Variants in MEI4 observed in about 807,000 individuals in gnomAD.
The protein encoded by MEI4 is meiosis-specific protein MEI4.
A neutral mutation model predicts 31.4 loss-of-function variants in MEI4; 27 were observed. The observed-to-expected ratio is 0.86, with a 90% confidence interval of 0.63 to 1.19. MEI4 has a LOEUF of 1.19. Ranked by LOEUF, MEI4 falls within the 50% of genes most tolerant of loss-of-function variation. The pLI, the probability that MEI4 is intolerant of heterozygous loss-of-function variation, is 0.00. For missense variants in MEI4, 329 were observed against 398.9 expected, an observed-to-expected ratio of 0.82 and a Z score of 1.49; for synonymous variants, 122 against 145.4, an observed-to-expected ratio of 0.84 and a Z score of 1.16.
chr6:77,737,369 AAG>A (rs1388306859), intron 2 of MEI4, among the ~76,000 whole-genome samples: 1 of 152,198 alleles, frequency 6.6e-6, no homozygotes, highest in African/African-American at 2.4e-5. Context: ...ATGGAAATAA[AAG>A]AGGTGCTGGT....
chr6:77,864,979 C>T (rs968128335), intron 4 of MEI4, among the ~76,000 whole-genome samples: 16 of 152,186 alleles, frequency 1.1e-4, no homozygotes, highest in African/African-American at 3.6e-4. Context: ...TCCTGAATGA[C>T]TACTGGGTAC....
Position 77,870,772 on chromosome 6 carries a change from A to G in MEI4, c.900+41710A>G, listed in dbSNP as rs769223530. Among the ~76,000 whole-genome samples, 84 of 152,312 alleles carry G rather than the reference A, an allele frequency of 5.5e-4. 1 individual carries two copies. Among genetic ancestry groups the G allele is most frequent in the Non-Finnish European group, 6.8e-4 (46 of 68,030 alleles). On this transcript the variant is annotated intron_variant, in intron 4 of 4. Transcript: ENST00000684080. Reference sequence around the variant, plus strand: ...TAAAAGTTATTTTTTACAGCGAAGAAATGAAGTTTCCAAAAGAAGCTTGTG... The same window carrying G: ...TAAAAGTTATTTTTTACAGCGAAGAGATGAAGTTTCCAAAAGAAGCTTGTG...
rs142466299 is a variant in MEI4, at chr6:77,923,532, C to T, written c.*186C>T. 8.8e-3 allele frequency: 4,169 copies of T among 474,632 alleles called. 112 individuals carry two copies. Among genetic ancestry groups the T allele is most frequent in the Admixed American group, 0.043 (936 of 21,782 alleles). 29.4% of individuals were successfully genotyped at this position (474,632 alleles called of 1,614,324 possible). A position where few individuals can be genotyped will look rare whatever the true frequency, so the allele number is the denominator to read the frequency against. On this transcript the variant is annotated 3_prime_UTR_variant, in exon 5 of 5. Coordinates refer to ENST00000684080, the MANE Select transcript of MEI4 (RefSeq NM_001322247.2). ...AAATTTTATGAGTCATATTTCTATACTAAAATCAGCCAGTTTCGGTTGGTA... is the reference window on the plus strand; with the variant it reads ...AAATTTTATGAGTCATATTTCTATATTAAAATCAGCCAGTTTCGGTTGGTA...
Position 77,751,803 on chromosome 6 carries a change from GAC to G in MEI4, c.233-9323_233-9322del, listed in dbSNP as rs1767781865. On this transcript the variant is annotated intron_variant, in intron 2 of 4. Coordinates refer to ENST00000684080, the MANE Select transcript of MEI4 (RefSeq NM_001322247.2). ...CATCCTGATACCAAAACCTGGCAGA[GAC>G]ACAACAAAAAAAGAAAATTTCAGGC... Among the ~76,000 whole-genome samples the G allele has an allele frequency of 2.0e-5, 3 of 152,176 alleles. No individual in the cohort carries two copies. In the South Asian group the frequency reaches 6.2e-4, roughly 32 times the overall value.
intron 3 of MEI4, among the ~76,000 whole-genome samples, chr6:77,823,248 A>C (rs1190188368): frequency 1.3e-5 from 2 of 152,122 alleles, no homozygotes; most frequent in African/African-American, 4.8e-5. Context: ...TTTCTATGTG[A>C]GTGAGAGCCT....
intron 2 of MEI4, among the ~76,000 whole-genome samples, chr6:77,745,422 A>C (rs560593438): frequency 2.0e-5 from 3 of 152,342 alleles, no homozygotes; most frequent in South Asian, 4.1e-4. Context: ...AGAGCTAACT[A>C]TCCTAAATAT....
intron 2 of MEI4, among the ~76,000 whole-genome samples, chr6:77,702,153 T>C (rs2127656909): frequency 6.6e-6 from 1 of 152,320 alleles, no homozygotes; most frequent in Non-Finnish European, 1.5e-5. Flanking sequence ...GCCTTAGTCT[T>C]CTGATGACTG....
Position 77,799,590 on chromosome 6 carries a change from A to T in MEI4, c.769-29341A>T, listed in dbSNP as rs540180179. ...GCCCATGCCTATGTCCTGAATGGTA[A>T]TACCTAGGTTTTCTTCTAGGATTTT... On this transcript the variant is annotated intron_variant, in intron 3 of 4. Transcript: ENST00000684080. Among the ~76,000 whole-genome samples the T allele has an allele frequency of 3.9e-5, 6 of 152,152 alleles. No individual in the cohort carries two copies. In the South Asian group the frequency reaches 1.2e-3, roughly 31 times the overall value.
intron 4 of MEI4, among the ~76,000 whole-genome samples, chr6:77,911,514 A>G (rs1020421368): frequency 2.0e-5 from 3 of 151,696 alleles, no homozygotes; most frequent in Non-Finnish European, 2.9e-5. Flanking sequence ...CTTGCTGTTC[A>G]TGTGTACTCA....
intron 4 of MEI4, among the ~76,000 whole-genome samples, chr6:77,888,907 TA>T (rs1292359877): frequency 6.6e-6 from 1 of 152,136 alleles, no homozygotes; most frequent in African/African-American, 2.4e-5. Context: ...CTGATGGCGT[TA>T]TAAGGGGCTT....
intron 4 of MEI4, 116 bp from the exon 5 acceptor site, chr6:77,922,973 A>C (rs1766744252): frequency 2.0e-6 from 1 of 492,930 alleles, no homozygotes; most frequent in Non-Finnish European, 3.2e-6. Flanking sequence ...GGATGACAGA[A>C]GGTGTTAAAT....
intron 2 of MEI4, among the ~76,000 whole-genome samples, chr6:77,712,057 C>T (rs1298050783): frequency 6.6e-6 from 1 of 152,094 alleles, no homozygotes; most frequent in Non-Finnish European, 1.5e-5. Flanking sequence ...CTTATATAAG[C>T]TGGCTATGAA....
intron 4 of MEI4, among the ~76,000 whole-genome samples, chr6:77,881,108 T>G (rs1365327623): frequency 6.6e-6 from 1 of 151,694 alleles, no homozygotes; most frequent in Non-Finnish European, 1.5e-5. Flanking sequence ...TTAAAGCCTA[T>G]GTTGGCCTTT....
At chr6:77,746,634 A>G (rs996723058) in intron 2 of MEI4, among the ~76,000 whole-genome samples, 1 of 120,176 alleles carries the variant, frequency 8.3e-6, no homozygotes, top group Non-Finnish European at 1.7e-5. Flanking sequence ...CTTAAAATAT[A>G]TGGCGTGTGT....
At chr6:77,908,524 A>C (rs972968960) in intron 4 of MEI4, among the ~76,000 whole-genome samples, 2 of 152,092 alleles carry the variant, frequency 1.3e-5, no homozygotes, top group African/African-American at 4.8e-5. Flanking sequence ...TTTTCGTACC[A>C]GTATCATGCT....
At chr6:77,915,275 T>A (rs1297353627) in intron 4 of MEI4, among the ~76,000 whole-genome samples, 1 of 152,102 alleles carries the variant, frequency 6.6e-6, no homozygotes, top group Non-Finnish European at 1.5e-5. Flanking sequence ...ATATCTTCAT[T>A]TCACTTCTGG....
intron 1 of MEI4, among the ~76,000 whole-genome samples, chr6:77,685,391 G>T (rs1256908909): frequency 2.0e-5 from 3 of 150,018 alleles, no homozygotes; most frequent in Non-Finnish European, 4.4e-5. Flanking sequence ...TTGGTTGCCT[G>T]TGCATATGGG....
chr6:77,885,057 G>T (rs1336277820), intron 4 of MEI4, among the ~76,000 whole-genome samples: 1 of 151,894 alleles, frequency 6.6e-6, no homozygotes, highest in African/African-American at 2.4e-5. Context: ...TTTCCTTACA[G>T]AGTTTTTGTC....
chr6:77,698,376 A>T (rs1315242058), intron 2 of MEI4, among the ~76,000 whole-genome samples: 1 of 152,102 alleles, frequency 6.6e-6, no homozygotes, highest in Non-Finnish European at 1.5e-5. Context: ...TGGTCTTTAC[A>T]TTTTGGCAGG....
Sources: allele counts gnomAD v4.1 joint callset (sites outside exome capture counted in the v4.1 genomes callset), GRCh38; gene constraint gnomAD v4.1.1; transcripts MANE v1.5; gene names NCBI Gene and HGNC (gene_info 2026-07-23, HGNC 2026-07-21).